LIMS1: variants seen among roughly 807,000 people sequenced by gnomAD.
LIMS1 encodes the protein LIM and senescent cell antigen-like-containing domain protein 1.
LIMS1 carries 18 observed loss-of-function variants against 44.1 expected under a neutral mutation model. The observed-to-expected ratio is 0.41, with a 90% CI of 0.28 to 0.61. The LOEUF is 0.61. Among genes scored for constraint, LIMS1 ranks in the 20% least tolerant of loss-of-function variants. The pLI is 0.32. For missense variants in LIMS1, 201 were observed against 422.0 expected (o/e 0.48, Z 4.59); for synonymous variants, 93 against 149.1 (o/e 0.62, Z 2.74).
intron 2 of LIMS1, among the ~76,000 whole-genome samples, chr2:108,663,127 T>A (rs1691490629): frequency 6.6e-6 from 1 of 152,174 alleles, no homozygotes; most frequent in South Asian, 2.1e-4. Context: ...TTCTTTCTTT[T>A]CTTTTTCTTA....
intron 1 of LIMS1, among the ~76,000 whole-genome samples, chr2:108,601,926 C>G (rs1302470095): frequency 6.6e-6 from 1 of 151,530 alleles, no homozygotes; most frequent in East Asian, 2.0e-4. Context: ...AATATTGATT[C>G]TTTCAACCCA....
At chr2:108,570,160 G>A (rs1261814518) in intron 1 of LIMS1, among the ~76,000 whole-genome samples, 1 of 152,128 alleles carries the variant, frequency 6.6e-6, no homozygotes, top group African/African-American at 2.4e-5. Flanking sequence ...GCCGGGAATG[G>A]TGGCTCACGC....
intron 1 of LIMS1, among the ~76,000 whole-genome samples, chr2:108,550,052 AT>A: frequency 6.6e-6 from 1 of 152,112 alleles, no homozygotes; most frequent in Non-Finnish European, 1.5e-5. Context: ...ATTATATAAT[AT>A]TTATCATATT....
intron 1 of LIMS1, among the ~76,000 whole-genome samples, chr2:108,616,705 T>A (rs1377326571): frequency 6.6e-6 from 1 of 152,198 alleles, no homozygotes; most frequent in Non-Finnish European, 1.5e-5. Context: ...TGCCTTCTCA[T>A]ACTCTCTGCT....
At chr2:108,534,675 G>A in intron 1 of LIMS1, 81 bp downstream of exon 1, 1 of 812,850 alleles carries the variant, frequency 1.2e-6, no homozygotes, top group Non-Finnish European at 1.5e-6. Flanking sequence ...GGCCGGGCCT[G>A]GCGCGGGCGG....
At chr2:108,601,336 C>G (rs542616401) in intron 1 of LIMS1, among the ~76,000 whole-genome samples, 1 of 152,280 alleles carries the variant, frequency 6.6e-6, no homozygotes, top group Non-Finnish European at 1.5e-5. Context: ...GAGTCAGACA[C>G]TTGTCCGTGC....
chr2:108,658,794 C>T (rs199964109), intron 1 of LIMS1, among the ~76,000 whole-genome samples: 20 of 151,012 alleles, frequency 1.3e-4, no homozygotes, highest in Non-Finnish European at 1.9e-4. Flanking sequence ...ACCTATGAAA[C>T]GTGGTGGTAT....
chr2:108,569,764 C>CTTT (rs10596766), intron 1 of LIMS1, among the ~76,000 whole-genome samples: 10 of 113,124 alleles, frequency 8.8e-5, no homozygotes, highest in South Asian at 3.3e-4. Context: ...CCATATCTGG[C>CTTT]TTTTTTTTTT....
At chr2:108,643,638 A>G (rs2148925936) in intron 1 of LIMS1, among the ~76,000 whole-genome samples, 1 of 151,478 alleles carries the variant, frequency 6.6e-6, no homozygotes, top group South Asian at 2.1e-4. Flanking sequence ...TTCGTGCCCC[A>G]GTGGCGCCAG....
intron 1 of LIMS1, among the ~76,000 whole-genome samples, chr2:108,626,686 T>C (rs1419794258): frequency 6.6e-6 from 1 of 152,200 alleles, no homozygotes; most frequent in East Asian, 1.9e-4. Context: ...CCTCTTTTAT[T>C]CTAGATTAAA....
At chr2:108,617,041 C>A (rs1471388431) in intron 1 of LIMS1, among the ~76,000 whole-genome samples, 1 of 152,138 alleles carries the variant, frequency 6.6e-6, no homozygotes, top group African/African-American at 2.4e-5. Context: ...CTTTATGTCA[C>A]ACAGGGAAAT....
chr2:108,612,267 A>G (rs2577601), intron 1 of LIMS1, among the ~76,000 whole-genome samples: 94,847 of 151,538 alleles, frequency 0.63, 30,280 homozygotes, highest in East Asian at 0.97. Flanking sequence ...CTGCTTGACC[A>G]GCTTGAGCTC....
chr2:108,626,277 T>C (rs1688570864), intron 1 of LIMS1, among the ~76,000 whole-genome samples: 1 of 152,242 alleles, frequency 6.6e-6, no homozygotes, highest in South Asian at 2.1e-4. Flanking sequence ...TTTGCCATTA[T>C]CTTATTATCT....
intron 1 of LIMS1, among the ~76,000 whole-genome samples, chr2:108,612,023 C>T (rs184909042): frequency 0.067 from 4,800 of 71,732 alleles, 185 homozygotes; most frequent in East Asian, 0.24. Flanking sequence ...TATATACACA[C>T]ACATATACAC....
At chr2:108,640,737 C>T (rs995747554) in intron 1 of LIMS1, among the ~76,000 whole-genome samples, 3 of 152,204 alleles carry the variant, frequency 2.0e-5, no homozygotes, top group Non-Finnish European at 2.9e-5. Context: ...AGGATCAAAT[C>T]GGGGTAACTA....
chr2:108,587,558 T>C (rs1686169895), intron 1 of LIMS1, among the ~76,000 whole-genome samples: 1 of 151,968 alleles, frequency 6.6e-6, no homozygotes, highest in Non-Finnish European at 1.5e-5. Context: ...ATCCTAGAAA[T>C]GCAGTTATCC....
chr2:108,626,855 G>A (rs2148885905), intron 1 of LIMS1, among the ~76,000 whole-genome samples: 1 of 152,290 alleles, frequency 6.6e-6, no homozygotes, highest in African/African-American at 2.4e-5. Flanking sequence ...AGTTTCCAAA[G>A]GGAAATGTAT....
At chr2:108,544,783 C>T (rs2104575315) in intron 1 of LIMS1, among the ~76,000 whole-genome samples, 1 of 152,274 alleles carries the variant, frequency 6.6e-6, no homozygotes, top group East Asian at 1.9e-4. Context: ...GTGTGAGCCA[C>T]CACACTGGGC....
At chr2:108,551,772 A>G (rs995827640) in intron 1 of LIMS1, among the ~76,000 whole-genome samples, 4 of 146,300 alleles carry the variant, frequency 2.7e-5, no homozygotes, top group African/African-American at 1.0e-4. Context: ...TATATTGTAT[A>G]TCATATACAA....
Sources: allele counts gnomAD v4.1 joint callset (sites outside exome capture counted in the v4.1 genomes callset), GRCh38; gene constraint gnomAD v4.1.1; transcripts MANE v1.5; gene names NCBI Gene and HGNC (gene_info 2026-07-23, HGNC 2026-07-21).